Variants in MPPED2 observed in about 807,000 individuals in gnomAD.
MPPED2 encodes the protein metallophosphoesterase domain containing 2, also known as metallophosphoesterase MPPED2.
In MPPED2, 5 loss-of-function variants were observed where a neutral mutation model predicts 33.0. The observed-to-expected ratio is 0.15, with a 90% confidence interval of 0.08 to 0.32. The LOEUF (loss-of-function observed/expected upper bound fraction) is 0.32, where lower values mean the gene tolerates loss of function less well. Ranked by LOEUF, MPPED2 falls within the 10% of genes least tolerant of loss-of-function variation. The pLI is 1.00. For synonymous variants in MPPED2, 136 were observed against 141.9 expected (o/e 0.96, Z 0.29); for missense variants, 275 against 372.1 (o/e 0.74, Z 2.15).
At chr11:30,401,301 G>C (rs1947905462) in intron 6 of MPPED2, among the ~76,000 whole-genome samples, 1 of 152,184 alleles carries the variant, frequency 6.6e-6, no homozygotes, top group Non-Finnish European at 1.5e-5. Flanking sequence ...TAGTAGTTAA[G>C]GCTTTGGTTG....
chr11:30,540,701 G>A (rs1271893111), intron 2 of MPPED2, among the ~76,000 whole-genome samples: 1 of 152,030 alleles, frequency 6.6e-6, no homozygotes, highest in African/African-American at 2.4e-5. Flanking sequence ...TACTGGGAGC[G>A]GAATCCATGG....
intron 2 of MPPED2, among the ~76,000 whole-genome samples, chr11:30,553,235 G>A (rs565060405): frequency 5.3e-4 from 81 of 152,162 alleles, no homozygotes; most frequent in African/African-American, 1.9e-3. Flanking sequence ...AACAGACCAC[G>A]TTCATTATAT....
chr11:30,417,718 C>CG lies in MPPED2; in HGVS notation c.537-86dup, dbSNP rs1948437305. 4 of 767,996 alleles carry CG rather than the reference C, an allele frequency of 5.2e-6. No homozygotes were observed. The South Asian group carries it at 6.1e-5, about 12-fold the overall frequency. The allele number at this position is 767,996 out of a possible 1,614,324, so 47.6% of individuals were successfully genotyped here. A position where few individuals can be genotyped will look rare whatever the true frequency, so the allele number is the denominator to read the frequency against. ...TATTTCTCTCTCGCACATTCCCCCACGGTTTGCATTGCTCTCTTTTCTCTT... is the reference window on the plus strand; with the variant it reads ...TATTTCTCTCTCGCACATTCCCCCACGGGTTTGCATTGCTCTCTTTTCTCTT... On this transcript the variant is annotated intron_variant, in intron 4 of 6. Transcript: ENST00000358117.
downstream of MPPED2, among the ~76,000 whole-genome samples, chr11:30,407,558 T>C (rs774834703): frequency 2.6e-5 from 4 of 152,016 alleles, no homozygotes; most frequent in South Asian, 2.1e-4. Flanking sequence ...GCTTTCGAGG[T>C]TGGAGAGTCA....
intron 3 of MPPED2, among the ~76,000 whole-genome samples, chr11:30,522,459 A>G (rs1953928658): frequency 3.3e-5 from 5 of 152,104 alleles, no homozygotes; most frequent in Admixed American, 2.0e-4. Flanking sequence ...GTAGCAAAAC[A>G]TTAACAGTTG....
intron 2 of MPPED2, among the ~76,000 whole-genome samples, chr11:30,577,511 A>T (rs1201780117): frequency 6.6e-6 from 1 of 152,224 alleles, no homozygotes; most frequent in Non-Finnish European, 1.5e-5. Context: ...TTCTGCCATG[A>T]CATGTTGAAA....
chr11:30,526,684 A>G (rs1246469617), intron 3 of MPPED2, among the ~76,000 whole-genome samples: 1 of 149,458 alleles, frequency 6.7e-6, no homozygotes, highest in East Asian at 2.0e-4. Context: ...AGCCTGGGCT[A>G]CAGAGCAAGA....
chr11:30,504,688 G>C (rs1351687801), intron 3 of MPPED2: 2 of 940,312 alleles, frequency 2.1e-6, no homozygotes, highest in Non-Finnish European at 3.0e-6. Context: ...CCCCCGTCAG[G>C]CTCCATTAAT....
At chr11:30,484,249 T>C (rs1047096115) in intron 4 of MPPED2, among the ~76,000 whole-genome samples, 2 of 152,310 alleles carry the variant, frequency 1.3e-5, no homozygotes, top group African/African-American at 2.4e-5. Flanking sequence ...AGGAAGACTA[T>C]TATTTAAGCT....
chr11:30,578,366 C>A (rs1428835325), intron 2 of MPPED2, among the ~76,000 whole-genome samples: 1 of 152,174 alleles, frequency 6.6e-6, no homozygotes, highest in East Asian at 1.9e-4. Context: ...GAAGAATCCT[C>A]TATTCCAAGA....
intron 2 of MPPED2, among the ~76,000 whole-genome samples, chr11:30,567,683 G>C (rs1169758200): frequency 6.6e-6 from 1 of 152,162 alleles, no homozygotes; most frequent in Admixed American, 6.5e-5. Context: ...AGACATACAA[G>C]GATAGTGAAA....
intron 6 of MPPED2, among the ~76,000 whole-genome samples, chr11:30,413,534 C>CTGA (rs1364050303): frequency 6.6e-6 from 1 of 152,202 alleles, no homozygotes; most frequent in African/African-American, 2.4e-5. Flanking sequence ...TTCTGTGAAC[C>CTGA]TGACTCAGCT....
chr11:30,429,522 A>G (rs1948987680), intron 4 of MPPED2, among the ~76,000 whole-genome samples: 1 of 152,232 alleles, frequency 6.6e-6, no homozygotes, highest in African/African-American at 2.4e-5. Context: ...CCTTCAATTC[A>G]GAGGTTAAAG....
chr11:30,421,694 A>G (rs1224665097), intron 4 of MPPED2, among the ~76,000 whole-genome samples: 1 of 152,176 alleles, frequency 6.6e-6, no homozygotes, highest in African/African-American at 2.4e-5. Flanking sequence ...GCTGGCTCCA[A>G]AGCCTGGGTT....
At chr11:30,406,663 A>G (rs1218577751), downstream of MPPED2, among the ~76,000 whole-genome samples, 1 of 152,194 alleles carries the variant, frequency 6.6e-6, no homozygotes, top group Non-Finnish European at 1.5e-5. Flanking sequence ...AAACAAACAA[A>G]CACAGAAGCA....
At chr11:30,580,810 T>C (rs1256477594) in intron 1 of MPPED2, among the ~76,000 whole-genome samples, 1 of 152,248 alleles carries the variant, frequency 6.6e-6, no homozygotes, top group Non-Finnish European at 1.5e-5. Context: ...CATCTGGCTA[T>C]ACATGGTTTG....
At chr11:30,422,212 G>A (rs1297782146) in intron 4 of MPPED2, among the ~76,000 whole-genome samples, 1 of 152,174 alleles carries the variant, frequency 6.6e-6, no homozygotes, top group Non-Finnish European at 1.5e-5. Context: ...AATGCACAAA[G>A]CAGGCAAATG....
intron 4 of MPPED2, among the ~76,000 whole-genome samples, chr11:30,482,779 A>C (rs1390807143): frequency 6.6e-6 from 1 of 152,212 alleles, no homozygotes; most frequent in Non-Finnish European, 1.5e-5. Flanking sequence ...ATCAAGAGTT[A>C]CAAAGTCTCA....
intron 2 of MPPED2, among the ~76,000 whole-genome samples, chr11:30,539,891 G>T: frequency 6.6e-6 from 1 of 152,134 alleles, no homozygotes; most frequent in East Asian, 1.9e-4. Flanking sequence ...GCCTCCCAAA[G>T]TGCTGAGATT....
Sources: gnomAD v4.1 joint callset for allele counts (sites outside exome capture counted in the v4.1 genomes callset) on GRCh38, gnomAD v4.1.1 for gene constraint, MANE v1.5 for transcripts, NCBI Gene and HGNC (gene_info 2026-07-23, HGNC 2026-07-21) for gene names.